The following PPP2R2B variants were observed in gnomAD, a reference collection of about 807,000 sequenced individuals.
The protein encoded by PPP2R2B is serine/threonine-protein phosphatase 2A 55 kDa regulatory subunit B beta isoform.
Under a neutral mutation model 46.0 loss-of-function variants are expected in PPP2R2B, and 5 were observed. The observed-to-expected ratio is 0.11, with a 90% CI of 0.06 to 0.23. PPP2R2B has a LOEUF of 0.23. PPP2R2B is among the 10% of genes least tolerant of loss of function. The pLI is 1.00. For missense variants in PPP2R2B, 367 were observed against 575.0 expected (o/e 0.64, Z 3.70); for synonymous variants, 215 against 206.7 (o/e 1.04, Z -0.34).
Position 146,586,907 on chromosome 5 carries a change from G to A in PPP2R2B, c.*3040C>T, listed in dbSNP as rs1770191756. ...GAGTACGAATGTCTACCAAAGTTCA[G>A]CTTTTTGCATTACTTGTTTTTAACG... is the stretch of plus-strand genomic sequence containing the variant. On this transcript the variant is annotated 3_prime_UTR_variant, in exon 10 of 10. Coordinates refer to ENST00000394411, the MANE Select transcript of PPP2R2B (RefSeq NM_181675.4). 1 of 152,124 alleles carries A rather than the reference G, an allele frequency of 6.6e-6. No individual in the cohort carries two copies. Among genetic ancestry groups the A allele is most frequent in the African/African-American group, 2.4e-5 (1 of 41,412 alleles). The allele number at this position is 152,124 out of a possible 1,614,324, so 9.4% of individuals were successfully genotyped here.
rs146944104 is a variant in PPP2R2B, at chr5:146,865,710, G to A, written c.70+12292C>T. 5.9e-5 allele frequency among the ~76,000 whole-genome samples: 9 copies of A among 152,278 alleles called. No homozygotes were observed. The East Asian group carries it at 1.7e-3, about 29-fold the overall frequency. ...TATGGCTATGTGTGAGGACTCTAAT[G>A]AGCTGTCAAACATTCATTCCATTAC... On this transcript the variant is annotated intron_variant, in intron 2 of 9. Coordinates refer to ENST00000394411, the MANE Select transcript of PPP2R2B (RefSeq NM_181675.4).
At chr5:146,768,868 C>G (rs143481489) in intron 2 of PPP2R2B, among the ~76,000 whole-genome samples, 40 of 149,658 alleles carry the variant, frequency 2.7e-4, no homozygotes, top group African/African-American at 9.5e-4. Flanking sequence ...ATCTTATCGT[C>G]AGGCAAAGAT....
chr5:146,862,859 GAA>G (rs370025208), intron 2 of PPP2R2B, among the ~76,000 whole-genome samples: 1,671 of 106,594 alleles, frequency 0.016, 31 homozygotes, highest in African/African-American at 0.049. Flanking sequence ...CAAGTAATTG[GAA>G]AAAAAAAAAA....
intron 2 of PPP2R2B, among the ~76,000 whole-genome samples, chr5:146,806,165 A>C (rs1293653272): frequency 6.6e-6 from 1 of 152,182 alleles, no homozygotes; most frequent in Non-Finnish European, 1.5e-5. Context: ...GCGCACATAC[A>C]CACATGTGCA....
rs149138293 is a variant in PPP2R2B at position 146,893,497 on chromosome 5, A to G, written c.79+162168T>C. On this transcript the variant is annotated intron_variant, in intron 1 of 8. Transcript: ENST00000336640. The stretch of plus-strand genomic sequence containing the variant: ...TACATCCAGTCAGGTGTCATGTCCT[A>G]TAAATCCCAGATTCCTAAACAACCT... Among the ~76,000 whole-genome samples the G allele has an allele frequency of 5.3e-4, 81 of 152,276 alleles. 1 individual carries two copies. The highest frequency in any genetic ancestry group is 1.9e-3 in the African/African-American group (77 of 41,560).
chr5:146,753,557 T>C (rs1753678194), intron 2 of PPP2R2B, among the ~76,000 whole-genome samples: 1 of 152,132 alleles, frequency 6.6e-6, no homozygotes, highest in Non-Finnish European at 1.5e-5. Context: ...ACATTAATTA[T>C]TGATATTACA....
chr5:146,877,884 G>T, intron 2 of PPP2R2B, 118 bp downstream of exon 2: 16 of 1,233,464 alleles, frequency 1.3e-5, no homozygotes, highest in Non-Finnish European at 1.7e-5. Context: ...CCGAGCCCCC[G>T]CCCCAGCCCT....
chr5:146,780,189 A>G (rs1190107956), intron 2 of PPP2R2B, among the ~76,000 whole-genome samples: 2 of 152,204 alleles, frequency 1.3e-5, no homozygotes, highest in Non-Finnish European at 2.9e-5. Context: ...AAAAGCCTCA[A>G]TTATCTCTGG....
intron 1 of PPP2R2B, among the ~76,000 whole-genome samples, chr5:147,009,171 T>G (rs1754595770): frequency 6.6e-6 from 1 of 152,178 alleles, no homozygotes; most frequent in South Asian, 2.1e-4. Flanking sequence ...ACTGGTGAGC[T>G]TTCATCATGT....
In PPP2R2B at chr5:146,589,927, TTAAG is replaced by T. The variant is rs761870872; in HGVS notation, c.*16_*19del. The T allele has an allele frequency of 1.7e-5, 28 of 1,604,838 alleles. No homozygotes were observed. The Admixed American group carries it at 2.7e-4, about 15-fold the overall frequency. Reference sequence around the variant, plus strand: ...GACTAGTATTCAGTATGTGAGATTATTAAGTAATAACTTGTCCACCTAGTTAACC... The same window carrying T: ...GACTAGTATTCAGTATGTGAGATTATTAATAACTTGTCCACCTAGTTAACC... On this transcript the variant is annotated 3_prime_UTR_variant, in exon 10 of 10. Coordinates refer to ENST00000394411, the MANE Select transcript of PPP2R2B (RefSeq NM_181675.4).
rs142272335 is a variant in PPP2R2B at position 146,839,016 on chromosome 5, A to C, written c.70+38986T>G. On this transcript the variant is annotated intron_variant, in intron 2 of 9. Transcript: ENST00000394411. Reference sequence around the variant, plus strand: ...CCTGCCACTCTTTGATAGGCTGAACACTAGAAAATTCGTCCACATACTGAT... The same window carrying C: ...CCTGCCACTCTTTGATAGGCTGAACCCTAGAAAATTCGTCCACATACTGAT... Among the ~76,000 whole-genome samples the C allele has an allele frequency of 4.4e-3, 673 of 152,302 alleles. 9 individuals are homozygous for C. The highest frequency in any genetic ancestry group is 0.015 in the African/African-American group (635 of 41,568).
intron 2 of PPP2R2B, among the ~76,000 whole-genome samples, chr5:146,798,398 G>C (rs1188848436): frequency 6.6e-6 from 1 of 152,030 alleles, no homozygotes. Flanking sequence ...CACAGTACTT[G>C]GTTTGGATTT....
At chr5:146,599,632 C>G (rs1027265044) in intron 8 of PPP2R2B, among the ~76,000 whole-genome samples, 1 of 152,126 alleles carries the variant, frequency 6.6e-6, no homozygotes, top group Non-Finnish European at 1.5e-5. Context: ...CTCTTGACAC[C>G]AGGCCTTTGA....
rs1332530907 is a variant in PPP2R2B at position 146,600,426 on chromosome 5, T to C, written c.825A>G (p.Ser275=). Residue 275 remains serine (S), a synonymous_variant, in exon 8 of 10, where the codon TCA becomes TCG. Transcript: ENST00000394411. ...FEEPEDPSNR[S]FFSEIISSIS... ...TCGAAGAGATAATTTCAGAGAAAAA[T>C]GATCTGTTGCTTGGATCTTCCGGCT... 3 of 1,613,822 alleles carry C rather than the reference T, an allele frequency of 1.9e-6. No individual in the cohort carries two copies. The South Asian group carries it at 3.3e-5, about 18-fold the overall frequency.
intron 2 of PPP2R2B, among the ~76,000 whole-genome samples, chr5:146,787,008 A>G (rs1321322180): frequency 6.6e-6 from 1 of 152,230 alleles, no homozygotes; most frequent in Non-Finnish European, 1.5e-5. Context: ...TTTACAGATA[A>G]AAAACTGAAG....
chr5:146,811,747 T>TC (rs960920580), intron 2 of PPP2R2B, among the ~76,000 whole-genome samples: 8 of 148,884 alleles, frequency 5.4e-5, no homozygotes, highest in East Asian at 2.0e-4. Flanking sequence ...TTTTTTTTTT[T>TC]CAGTAGAGAC....
intron 1 of PPP2R2B, among the ~76,000 whole-genome samples, chr5:147,020,773 G>A (rs1443993069): frequency 6.6e-6 from 1 of 152,130 alleles, no homozygotes; most frequent in Non-Finnish European, 1.5e-5. Context: ...GATGAGCCCA[G>A]TCAATATTAA....
intron 5 of PPP2R2B, among the ~76,000 whole-genome samples, chr5:146,683,143 C>T (rs1442925886): frequency 6.6e-6 from 1 of 152,142 alleles, no homozygotes. Flanking sequence ...GATCATCCAG[C>T]TTTGGTAAGC....
chr5:147,042,110 A>G (rs372204083), intron 1 of PPP2R2B, among the ~76,000 whole-genome samples: 1 of 152,126 alleles, frequency 6.6e-6, no homozygotes, highest in East Asian at 1.9e-4. Context: ...CCCCACGTCT[A>G]TCACCTTGTA....
Sources: gnomAD v4.1 joint callset for allele counts (sites outside exome capture counted in the v4.1 genomes callset) on GRCh38, gnomAD v4.1.1 for gene constraint, MANE v1.5 for transcripts, NCBI Gene and HGNC (gene_info 2026-07-23, HGNC 2026-07-21) for gene names.